The following NPLOC4 variants were observed in gnomAD, a reference collection of about 807,000 sequenced individuals.
NPLOC4 encodes the protein nuclear protein localization protein 4 homolog.
In NPLOC4, 18 loss-of-function variants were observed where a neutral mutation model predicts 80.6. That is an observed-to-expected ratio of 0.22 (90% CI 0.15 to 0.33). NPLOC4 has a LOEUF of 0.33. NPLOC4 is among the 10% of genes least tolerant of loss of function. The probability of loss-of-function intolerance (pLI) is 1.00; values close to 1 mark genes in which losing one functional copy is unlikely to be tolerated. For synonymous variants in NPLOC4, 313 were observed against 301.5 expected, an observed-to-expected ratio of 1.04 and a Z score of -0.39; for missense variants, 540 against 786.1, an observed-to-expected ratio of 0.69 and a Z score of 3.74.
chr17:81,617,082 G>A (rs988881306), intron 3 of NPLOC4, among the ~76,000 whole-genome samples: 16 of 152,132 alleles, frequency 1.1e-4, no homozygotes, highest in African/African-American at 3.6e-4. Context: ...CAACAGTCAC[G>A]AGACCCAAGA....
At chr17:81,599,184 G>A (rs2035000370) in intron 9 of NPLOC4, among the ~76,000 whole-genome samples, 1 of 152,016 alleles carries the variant, frequency 6.6e-6, no homozygotes, top group Non-Finnish European at 1.5e-5. Context: ...AGCTACTTGG[G>A]AGGCTGAGGC....
chr17:81,617,653 C>G (rs950163619), intron 3 of NPLOC4, among the ~76,000 whole-genome samples: 2 of 150,168 alleles, frequency 1.3e-5, no homozygotes, highest in Non-Finnish European at 3.0e-5. Context: ...ATTAAAAACA[C>G]AAAAAATGCC....
At chr17:81,617,465 G>C (rs1457444399) in intron 3 of NPLOC4, among the ~76,000 whole-genome samples, 1 of 152,134 alleles carries the variant, frequency 6.6e-6, no homozygotes, top group East Asian at 1.9e-4. Flanking sequence ...CCTGAGGTTA[G>C]GAGTTCAAGA....
At chr17:81,631,086 T>A (rs529386517) in intron 1 of NPLOC4, among the ~76,000 whole-genome samples, 27 of 151,898 alleles carry the variant, frequency 1.8e-4, no homozygotes, top group Admixed American at 1.1e-3. Flanking sequence ...GGCAGGAGAA[T>A]CGCTTGAACC....
Position 81,565,516 on chromosome 17 carries a change from T to A in NPLOC4, c.1658A>T (p.Glu553Val). ...GTGGGGGTACTCACTGCACAGCTGC[T>A]CGATGGTGGCCCACTGCTCAGACCT... Reference protein sequence around the residue: ...WKRSEQWATIEQLCSTVGGQL... With the variant: ...WKRSEQWATIVQLCSTVGGQL... Residue 553 changes from glutamate to valine, a missense_variant, in exon 16 of 17, where the codon GAG becomes GTG. Physicochemically the swap from Glu to Val is moderately radical, Grantham distance 121. This residue lies in a region of NPLOC4 where 251 missense variants were observed against 377.5 expected (regional missense o/e 0.66). Coordinates refer to ENST00000331134, the MANE Select transcript of NPLOC4 (RefSeq NM_017921.4). 6.4e-7 allele frequency: 1 copy of A among 1,550,748 alleles called. No individual in the cohort carries two copies.
rs1205766581 is a variant in NPLOC4, at chr17:81,559,422, G to C, written c.1670-6C>G. The C allele has an allele frequency of 3.7e-6, 6 of 1,607,408 alleles. No homozygotes were observed. In the Admixed American group the frequency reaches 6.8e-5, roughly 18 times the overall value. ...GAGCTGCCCGCCAACTGTGCCTGCA[G>C]GGTGGAAGAGAAATGAGCACTCATC... On this transcript the variant is annotated splice_polypyrimidine_tract_variant and splice_region_variant and intron_variant, in intron 16 of 16. Transcript: ENST00000331134.
Position 81,600,365 on chromosome 17 carries a change from A to C in NPLOC4, c.897T>G (p.Ile299Met), listed in dbSNP as rs748597467. The C allele has an allele frequency of 6.2e-7, 1 of 1,612,302 alleles. No individual in the cohort carries two copies. Among genetic ancestry groups the C allele is most frequent in the Non-Finnish European group, 8.5e-7 (1 of 1,179,286 alleles). ...EDPKAEVVDE[I>M]AAKLGLRKVG... ...CCTTCCGCAGGCCAAGTTTGGCAGC[A>C]ATTTCATCGACCACTTCAGCTTTTG... is the stretch of plus-strand genomic sequence containing the variant. The change falls in exon 9 of 17, where the codon ATT becomes ATG. Residue 299 changes from isoleucine to methionine, a missense_variant. This residue lies in a region of NPLOC4 where 251 missense variants were observed against 377.5 expected (regional missense o/e 0.66). Transcript: ENST00000331134.
At chr17:81,573,951 C>A (rs1370989360) in intron 12 of NPLOC4, among the ~76,000 whole-genome samples, 3 of 152,194 alleles carry the variant, frequency 2.0e-5, no homozygotes. Flanking sequence ...GGCTGCCAGT[C>A]AGGATGGGCT....
intron 2 of NPLOC4, among the ~76,000 whole-genome samples, chr17:81,623,911 C>T (rs1015302050): frequency 2.0e-4 from 30 of 152,298 alleles, no homozygotes; most frequent in African/African-American, 6.7e-4. Flanking sequence ...AATATTCACT[C>T]ATTCCTTCAA....
At chr17:81,600,552 A>G in intron 8 of NPLOC4, 125 bp from the exon 9 acceptor site, 1 of 687,696 alleles carries the variant, frequency 1.5e-6, no homozygotes, top group Non-Finnish European at 2.6e-6. Flanking sequence ...AGAAAGGAGA[A>G]CTATAGCCAC....
intron 13 of NPLOC4, among the ~76,000 whole-genome samples, chr17:81,570,458 G>A (rs901644825): frequency 5.3e-5 from 8 of 152,170 alleles, no homozygotes; most frequent in Non-Finnish European, 7.4e-5. Context: ...TGAAGAAGGC[G>A]GCACCCCCAG....
Position 81,581,335 on chromosome 17 carries a change from C to G in NPLOC4, c.1281+7609G>C, listed in dbSNP as rs189788477. 5.5e-3 allele frequency among the ~76,000 whole-genome samples: 673 copies of G among 121,794 alleles called. 10 individuals carry two copies. Among genetic ancestry groups the G allele is most frequent in the African/African-American group, 0.02 (634 of 32,128 alleles). The allele number at this position is 121,794 out of a possible 152,430, so 79.9% of individuals were successfully genotyped here. A position where few individuals can be genotyped will look rare whatever the true frequency, so the allele number is the denominator to read the frequency against. ...CTGCATTCCAGCCTGGGCAACACAG[C>G]CAGACTCCAACGCAAAAAAAAAAAA... On this transcript the variant is annotated intron_variant, in intron 12 of 16. Transcript: ENST00000331134.
intron 2 of NPLOC4, 129 bp from the exon 3 acceptor site, chr17:81,622,407 T>C: frequency 1.4e-6 from 1 of 711,752 alleles, no homozygotes; most frequent in South Asian, 1.6e-5. Flanking sequence ...ACCAAATTCC[T>C]CTTGCTATTT....
At chr17:81,611,833 G>A (rs376620862) in intron 4 of NPLOC4, among the ~76,000 whole-genome samples, 14 of 151,400 alleles carry the variant, frequency 9.2e-5, no homozygotes, top group East Asian at 6.0e-4. Flanking sequence ...GGTGGCGGGC[G>A]CCTGTAGTCC....
intron 4 of NPLOC4, among the ~76,000 whole-genome samples, chr17:81,611,549 C>T (rs2035339455): frequency 6.6e-6 from 1 of 151,444 alleles, no homozygotes; most frequent in Admixed American, 6.6e-5. Context: ...GGGATTTCAC[C>T]ATATTGGTCA....
chr17:81,581,375 A>AAAAAAAAAAAAAAAATC (rs1555680405), intron 12 of NPLOC4, among the ~76,000 whole-genome samples: 1 of 72,810 alleles, frequency 1.4e-5, no homozygotes, highest in Non-Finnish European at 2.9e-5. Flanking sequence ...AAAAAAAAAA[A>AAAAAAAAAAAAAAAATC]AGTTAATAAA....
chr17:81,603,841 CTTT>C (rs1032538940), intron 8 of NPLOC4, among the ~76,000 whole-genome samples: 5 of 152,230 alleles, frequency 3.3e-5, no homozygotes, highest in Admixed American at 1.3e-4. Context: ...TATTTGCTTA[CTTT>C]TTTACTTTTG....
chr17:81,617,450 G>C (rs2035527761), intron 3 of NPLOC4, among the ~76,000 whole-genome samples: 1 of 152,116 alleles, frequency 6.6e-6, no homozygotes, highest in Non-Finnish European at 1.5e-5. Flanking sequence ...GAGGCCAGCA[G>C]ATCACCTGAG....
intron 11 of NPLOC4, among the ~76,000 whole-genome samples, chr17:81,590,481 T>C (rs1183848840): frequency 6.6e-6 from 1 of 152,202 alleles, no homozygotes; most frequent in Non-Finnish European, 1.5e-5. Flanking sequence ...ACTGAAGTTA[T>C]GTGCTGACTA....
Sources: allele counts gnomAD v4.1 joint callset (sites outside exome capture counted in the v4.1 genomes callset), GRCh38; gene constraint gnomAD v4.1.1; regional missense constraint gnomAD v4.1.1; transcripts MANE v1.5; gene names NCBI Gene and HGNC (gene_info 2026-07-23, HGNC 2026-07-21).